The following ADARB2 variants were observed in gnomAD, a reference collection of about 807,000 sequenced individuals.
ADARB2 encodes adenosine deaminase RNA specific B2 (inactive).
In ADARB2, 25 loss-of-function variants were observed where a neutral mutation model predicts 62.2. That is an observed-to-expected ratio of 0.40 (90% CI 0.29 to 0.56). ADARB2 has a LOEUF of 0.56. Ranked by LOEUF, ADARB2 falls within the 20% of genes least tolerant of loss-of-function variation. ADARB2 has a pLI of 0.43. For synonymous variants in ADARB2, 572 were observed against 500.8 expected (o/e 1.14, Z -1.90); for missense variants, 1,071 against 1,077.4 (o/e 0.99, Z 0.08).
At chr10:1,570,583 C>T (rs1026028821) in intron 1 of ADARB2, among the ~76,000 whole-genome samples, 3 of 152,226 alleles carry the variant, frequency 2.0e-5, no homozygotes, top group Non-Finnish European at 4.4e-5. Flanking sequence ...GATCATGTGG[C>T]AGTCTTACAT....
intron 3 of ADARB2, among the ~76,000 whole-genome samples, chr10:1,289,415 T>C (rs142592624): frequency 5.9e-5 from 9 of 152,332 alleles, no homozygotes; most frequent in African/African-American, 1.9e-4. Context: ...ATAAACTTTC[T>C]AAATTGGTTG....
rs370770761 is a variant in ADARB2, at chr10:1,211,223, TATC to T, written c.1682+5725_1682+5727del. Among the ~76,000 whole-genome samples the T allele has an allele frequency of 4.3e-4, 65 of 152,308 alleles. 1 individual carries two copies. Among genetic ancestry groups the T allele is most frequent in the African/African-American group, 1.5e-3 (62 of 41,566 alleles). ...CTATCATTATCATCTATCATCTACC[TATC>T]ATCTGTCATCTATTATCTGTCATCT... On this transcript the variant is annotated intron_variant, in intron 7 of 9. Coordinates refer to ENST00000381312, the MANE Select transcript of ADARB2 (RefSeq NM_018702.4).
intron 1 of ADARB2, among the ~76,000 whole-genome samples, chr10:1,603,780 A>G (rs926632607): frequency 3.3e-5 from 5 of 151,702 alleles, no homozygotes; most frequent in African/African-American, 9.7e-5. Context: ...AAACTGTAGT[A>G]TTAATATACA....
intron 3 of ADARB2, among the ~76,000 whole-genome samples, chr10:1,359,511 C>T (rs558186919): frequency 2.0e-5 from 3 of 152,328 alleles, no homozygotes; most frequent in South Asian, 4.1e-4. Context: ...TGAACTTCCT[C>T]TTTCAAAATT....
At chr10:1,290,578 AGAG>A (rs1461554705) in intron 3 of ADARB2, 1 of 152,234 alleles carries the variant, frequency 6.6e-6, no homozygotes, top group Non-Finnish European at 1.5e-5. Flanking sequence ...CCACAATGTT[AGAG>A]GTGCCTTCCA....
At chr10:1,557,135 GC>G (rs10706282) in intron 1 of ADARB2, among the ~76,000 whole-genome samples, 35,282 of 151,602 alleles carry the variant, frequency 0.23, 4,310 homozygotes, top group African/African-American at 0.26. Context: ...AGTCCATGGC[GC>G]CCCCCGTCTT....
chr10:1,730,574 TCTTA>T (rs955829437), intron 1 of ADARB2, among the ~76,000 whole-genome samples: 34 of 152,172 alleles, frequency 2.2e-4, no homozygotes, highest in African/African-American at 7.5e-4. Context: ...AAATTTCACC[TCTTA>T]GAGAGTTGAA....
intron 8 of ADARB2, among the ~76,000 whole-genome samples, chr10:1,185,690 G>A (rs1341730849): frequency 2.0e-5 from 3 of 152,208 alleles, no homozygotes; most frequent in Non-Finnish European, 4.4e-5. Flanking sequence ...GCATGGGTTC[G>A]TCTAAGCTCA....
intron 1 of ADARB2, among the ~76,000 whole-genome samples, chr10:1,702,836 G>T (rs1392358552): frequency 6.6e-6 from 1 of 152,202 alleles, no homozygotes; most frequent in African/African-American, 2.4e-5. Context: ...ATGAGTATGG[G>T]TTATTTTTAA....
At chr10:1,356,162 T>C (rs1046627903) in intron 3 of ADARB2, among the ~76,000 whole-genome samples, 5 of 152,182 alleles carry the variant, frequency 3.3e-5, no homozygotes, top group Non-Finnish European at 7.4e-5. Flanking sequence ...CCAGAAGGTT[T>C]GGGGATGGCT....
At chr10:1,491,702 T>C (rs1358614486) in intron 1 of ADARB2, among the ~76,000 whole-genome samples, 1 of 152,242 alleles carries the variant, frequency 6.6e-6, no homozygotes, top group Non-Finnish European at 1.5e-5. Context: ...CCTTTCTTTA[T>C]GTTTTTGTGT....
chr10:1,711,809 A>C (rs1834951763), intron 1 of ADARB2, among the ~76,000 whole-genome samples: 1 of 152,206 alleles, frequency 6.6e-6, no homozygotes. Context: ...TTCCTCCTTT[A>C]TAAGGACTAG....
intron 1 of ADARB2, among the ~76,000 whole-genome samples, chr10:1,495,191 AACCAACC>A (rs1831670739): frequency 6.6e-6 from 1 of 152,218 alleles, no homozygotes; most frequent in Non-Finnish European, 1.5e-5. Context: ...TCTGCTACAA[AACCAACC>A]TTGCAAGAAT....
chr10:1,415,686 G>A (rs973029467), intron 1 of ADARB2, among the ~76,000 whole-genome samples: 1 of 152,180 alleles, frequency 6.6e-6, no homozygotes, highest in Admixed American at 6.5e-5. Context: ...AAGCAGATTA[G>A]CTATTTATTA....
intron 3 of ADARB2, among the ~76,000 whole-genome samples, chr10:1,341,524 C>A (rs561525964): frequency 6.3e-5 from 9 of 142,166 alleles, no homozygotes; most frequent in African/African-American, 1.1e-4. Context: ...TGCCCCACAG[C>A]GGCAATAACA....
At chr10:1,286,304 G>C (rs371537251) in intron 3 of ADARB2, among the ~76,000 whole-genome samples, 61 of 152,294 alleles carry the variant, frequency 4.0e-4, no homozygotes, top group African/African-American at 1.3e-3. Context: ...GAAAATGGAA[G>C]ATGATCTTCC....
intron 3 of ADARB2, among the ~76,000 whole-genome samples, chr10:1,272,391 C>T (rs1013036386): frequency 6.6e-6 from 1 of 152,224 alleles, no homozygotes; most frequent in South Asian, 2.1e-4. Context: ...TTAAAAATCC[C>T]ACTTGTAGGC....
At chr10:1,396,660 C>A (rs1433285181) in intron 1 of ADARB2, among the ~76,000 whole-genome samples, 1 of 149,258 alleles carries the variant, frequency 6.7e-6, no homozygotes, top group African/African-American at 2.5e-5. Flanking sequence ...TCCTCCTCTC[C>A]CCTCCCGAGT....
chr10:1,583,214 C>A (rs1266514289), intron 1 of ADARB2, among the ~76,000 whole-genome samples: 1 of 151,870 alleles, frequency 6.6e-6, no homozygotes. Context: ...TTTCACCTTC[C>A]CAGAGAAAAG....
Sources: gnomAD v4.1 joint callset for allele counts (sites outside exome capture counted in the v4.1 genomes callset) on GRCh38, gnomAD v4.1.1 for gene constraint, MANE v1.5 for transcripts, NCBI Gene and HGNC (gene_info 2026-07-23, HGNC 2026-07-21) for gene names.